Variants in KCNK2 observed in about 807,000 individuals in gnomAD.
KCNK2 encodes potassium two pore domain channel subfamily K member 2, also known as potassium channel subfamily K member 2.
Under a neutral mutation model 40.5 loss-of-function variants are expected in KCNK2, and 21 were observed. The ratio of observed to expected loss-of-function variants is 0.52; its 90% CI spans 0.37 to 0.75. The LOEUF (loss-of-function observed/expected upper bound fraction) is 0.75. Among genes scored for constraint, KCNK2 ranks in the 30% least tolerant of loss-of-function variants. The pLI, the probability that KCNK2 is intolerant of heterozygous loss-of-function variation, is 0.00. For missense variants in KCNK2, 399 were observed against 531.6 expected, an observed-to-expected ratio of 0.75 and a Z score of 2.45; for synonymous variants, 191 against 202.2, an observed-to-expected ratio of 0.94 and a Z score of 0.47.
intron 3 of KCNK2, among the ~76,000 whole-genome samples, chr1:215,130,383 A>G (rs570449603): frequency 1.3e-5 from 2 of 152,252 alleles, no homozygotes; most frequent in Admixed American, 1.3e-4. Flanking sequence ...GGCTGTTCCT[A>G]AATTATATCC....
At chr1:215,152,965 T>C (rs886087091) in intron 3 of KCNK2, among the ~76,000 whole-genome samples, 33 of 152,206 alleles carry the variant, frequency 2.2e-4, no homozygotes, top group African/African-American at 8.0e-4. Flanking sequence ...GCCTCCACAT[T>C]TGAAGCTGGC....
chr1:215,227,219 A>G (rs1666419169), intron 6 of KCNK2, among the ~76,000 whole-genome samples: 2 of 152,222 alleles, frequency 1.3e-5, no homozygotes, highest in African/African-American at 4.8e-5. Flanking sequence ...TAGTAATTGT[A>G]GTAAGTTGTG....
intron 6 of KCNK2, among the ~76,000 whole-genome samples, chr1:215,200,396 C>G (rs1215333773): frequency 6.6e-6 from 1 of 152,040 alleles, no homozygotes; most frequent in African/African-American, 2.4e-5. Context: ...TTATCTTTGC[C>G]AGAGATGAGC....
At chr1:215,045,004 A>C (rs1023954559) in intron 1 of KCNK2, among the ~76,000 whole-genome samples, 2 of 2,906 alleles carry the variant, frequency 6.9e-4, no homozygotes, top group African/African-American at 7.5e-4. Flanking sequence ...CCGCGTCTCT[A>C]CTAAAAAAAA....
At chr1:215,121,377 G>C (rs1661182823) in intron 2 of KCNK2, among the ~76,000 whole-genome samples, 1 of 152,074 alleles carries the variant, frequency 6.6e-6, no homozygotes, top group Non-Finnish European at 1.5e-5. Context: ...GACCTCCCAG[G>C]CTCAAGCAAT....
chr1:215,173,116 C>A (rs538577761), intron 5 of KCNK2, among the ~76,000 whole-genome samples: 1 of 152,206 alleles, frequency 6.6e-6, no homozygotes, highest in African/African-American at 2.4e-5. Context: ...CTATCCCTCC[C>A]CGCTCCCTCC....
chr1:215,173,662 C>G (rs1210837966), intron 5 of KCNK2, among the ~76,000 whole-genome samples: 1 of 152,162 alleles, frequency 6.6e-6, no homozygotes, highest in African/African-American at 2.4e-5. Context: ...GATCGCCATT[C>G]TAACTGGTGT....
chr1:215,032,008 A>G (rs1021487861), intron 1 of KCNK2, among the ~76,000 whole-genome samples: 4 of 152,120 alleles, frequency 2.6e-5, no homozygotes, highest in African/African-American at 4.8e-5. Context: ...ATTGCGGTCA[A>G]TCATTTCACT....
chr1:215,090,319 C>G (rs906704686), intron 2 of KCNK2, among the ~76,000 whole-genome samples: 2 of 152,090 alleles, frequency 1.3e-5, no homozygotes, highest in Admixed American at 1.3e-4. Context: ...GCTTCAGTTT[C>G]CAAGAGTGCA....
At chr1:215,091,380 T>A (rs927632057) in intron 2 of KCNK2, among the ~76,000 whole-genome samples, 2 of 152,148 alleles carry the variant, frequency 1.3e-5, no homozygotes, top group Non-Finnish European at 2.9e-5. Context: ...CCACTTGGTG[T>A]CAGTTTTGTG....
chr1:215,113,698 C>T (rs371501647), intron 2 of KCNK2, among the ~76,000 whole-genome samples: 7 of 152,256 alleles, frequency 4.6e-5, no homozygotes, highest in Middle Eastern at 3.4e-3. Flanking sequence ...CAGGTTCAAG[C>T]GATTCTTATG....
intron 3 of KCNK2, among the ~76,000 whole-genome samples, chr1:215,159,875 T>G (rs1440187961): frequency 6.6e-6 from 1 of 152,090 alleles, no homozygotes; most frequent in Non-Finnish European, 1.5e-5. Flanking sequence ...TATACCCAGA[T>G]GTGATGCACT....
At chr1:215,018,934 T>C (rs1656687940) in intron 1 of KCNK2, among the ~76,000 whole-genome samples, 1 of 151,888 alleles carries the variant, frequency 6.6e-6, no homozygotes, top group Non-Finnish European at 1.5e-5. Flanking sequence ...AGGTGAGAGA[T>C]GAAGCTGGCT....
intron 2 of KCNK2, among the ~76,000 whole-genome samples, chr1:215,088,990 C>G (rs949324973): frequency 5.3e-5 from 8 of 152,060 alleles, no homozygotes; most frequent in African/African-American, 1.9e-4. Context: ...TCTTTTTAAA[C>G]ATAATTTATT....
intron 1 of KCNK2, among the ~76,000 whole-genome samples, chr1:215,012,557 T>C (rs1307892355): frequency 1.3e-5 from 2 of 151,828 alleles, no homozygotes; most frequent in Non-Finnish European, 2.9e-5. Context: ...CAGCAGCCTC[T>C]AACTTCTGGG....
intron 5 of KCNK2, among the ~76,000 whole-genome samples, chr1:215,187,950 C>T (rs1664516650): frequency 6.6e-6 from 1 of 151,368 alleles, no homozygotes; most frequent in Admixed American, 6.6e-5. Flanking sequence ...AGTGAAAAAA[C>T]CAGAGAAGAA....
intron 5 of KCNK2, among the ~76,000 whole-genome samples, chr1:215,174,384 T>C (rs907460759): frequency 5.3e-5 from 8 of 152,200 alleles, no homozygotes; most frequent in Non-Finnish European, 1.0e-4. Context: ...CCTTGTAGTA[T>C]AGTTTGAAGT....
chr1:215,062,706 C>T (rs1658400988), intron 1 of KCNK2, among the ~76,000 whole-genome samples: 1 of 151,702 alleles, frequency 6.6e-6, no homozygotes, highest in Admixed American at 6.6e-5. Flanking sequence ...GGCTACAGAA[C>T]TGTGCAAATA....
intron 3 of KCNK2, among the ~76,000 whole-genome samples, chr1:215,159,636 T>G (rs1237767351): frequency 6.6e-6 from 1 of 152,216 alleles, no homozygotes; most frequent in African/African-American, 2.4e-5. Flanking sequence ...TTTCCCTTCA[T>G]GTGTTCTTTT....
Sources: gnomAD v4.1 joint callset for allele counts (sites outside exome capture counted in the v4.1 genomes callset) on GRCh38, gnomAD v4.1.1 for gene constraint, MANE v1.5 for transcripts, NCBI Gene and HGNC (gene_info 2026-07-23, HGNC 2026-07-21) for gene names.